The following DOCK8 variants were observed in gnomAD, a reference collection of about 807,000 sequenced individuals.
DOCK8 encodes dedicator of cytokinesis 8, also known as dedicator of cytokinesis protein 8.
Under a neutral mutation model 245.6 loss-of-function variants are expected in DOCK8, and 141 were observed. The ratio of observed to expected loss-of-function variants is 0.57; its 90% confidence interval spans 0.50 to 0.66. The LOEUF (loss-of-function observed/expected upper bound fraction) is 0.66, where lower values mean the gene tolerates loss of function less well. DOCK8 is among the 30% of genes least tolerant of loss of function. The pLI, the probability that DOCK8 is intolerant of heterozygous loss-of-function variation, is 0.00. For missense variants in DOCK8, 2,965 were observed against 2,603.4 expected, an observed-to-expected ratio of 1.14 and a Z score of -3.02; for synonymous variants, 1,168 against 970.2, an observed-to-expected ratio of 1.20 and a Z score of -3.79.
In DOCK8 at chr9:340,320, A is replaced by C. The variant is rs927499280; in HGVS notation, c.1678A>C (p.Arg560=). The part of the protein sequence containing the change: ...REVYVPHTVY[R]NLLYVYPQRL... ...AGTATATGTCCCTCACACTGTGTACAGGTAAGAAACACAGGCTCGGGCTGG... is the reference window on the plus strand; with the variant it reads ...AGTATATGTCCCTCACACTGTGTACCGGTAAGAAACACAGGCTCGGGCTGG... The change falls in exon 14 of 48, where the codon AGA becomes CGA. Residue 560 remains arginine, a splice_region_variant and synonymous_variant. Transcript: ENST00000432829. 9.9e-6 allele frequency: 16 copies of C among 1,614,094 alleles called. No homozygotes were observed. Among genetic ancestry groups the C allele is most frequent in the Non-Finnish European group, 1.4e-5 (16 of 1,179,962 alleles).
At chr9:305,408 A>G (rs951625608) in intron 5 of DOCK8, among the ~76,000 whole-genome samples, 35 of 148,706 alleles carry the variant, frequency 2.4e-4, no homozygotes, top group South Asian at 2.1e-3. Context: ...TCAGCCTCCC[A>G]GGTAGCTGGG....
intron 43 of DOCK8, among the ~76,000 whole-genome samples, chr9:443,985 A>T (rs1226941378): frequency 6.6e-6 from 1 of 151,984 alleles, no homozygotes; most frequent in Non-Finnish European, 1.5e-5. Context: ...TCCATTTCAA[A>T]CTCGACAACA....
At chr9:253,727 G>A (rs911142309) in intron 1 of DOCK8, among the ~76,000 whole-genome samples, 2 of 152,140 alleles carry the variant, frequency 1.3e-5, no homozygotes, top group Non-Finnish European at 2.9e-5. Context: ...CCAACATGTG[G>A]CTCCTCTGCC....
chr9:399,432 C>T (rs1186523590), intron 26 of DOCK8, among the ~76,000 whole-genome samples, 173 bp downstream of exon 26: 2 of 152,106 alleles, frequency 1.3e-5, no homozygotes, highest in African/African-American at 2.4e-5. Flanking sequence ...ATTCCTCAGA[C>T]ATGCTGGTTT....
chr9:260,516 A>G (rs2047893424), intron 1 of DOCK8, among the ~76,000 whole-genome samples: 1 of 152,202 alleles, frequency 6.6e-6, no homozygotes, highest in East Asian at 1.9e-4. Context: ...TAGAGTGTTA[A>G]TTGGTAAAAT....
chr9:401,319 C>T (rs1209429666), intron 26 of DOCK8, among the ~76,000 whole-genome samples: 1 of 152,142 alleles, frequency 6.6e-6, no homozygotes, highest in Admixed American at 6.5e-5. Flanking sequence ...GAGCGGAAGC[C>T]CCTCCCAGCA....
chr9:344,161 G>C (rs2051752471), intron 14 of DOCK8, among the ~76,000 whole-genome samples: 1 of 152,166 alleles, frequency 6.6e-6, no homozygotes, highest in South Asian at 2.1e-4. Flanking sequence ...TTAGAAACCA[G>C]GTCTTGGGGA....
At chr9:333,038 G>A (rs145541723) in intron 10 of DOCK8, among the ~76,000 whole-genome samples, 2 of 152,114 alleles carry the variant, frequency 1.3e-5, no homozygotes, top group Non-Finnish European at 2.9e-5. Flanking sequence ...TAACTTGATT[G>A]GGGCAAGGCC....
At chr9:232,551 T>C (rs2047140678) in intron 1 of DOCK8, among the ~76,000 whole-genome samples, 1 of 152,230 alleles carries the variant, frequency 6.6e-6, no homozygotes, top group South Asian at 2.1e-4. Context: ...TGGTAAGCTA[T>C]TGATTATTGC....
At chr9:450,853 G>T (rs915148397) in intron 45 of DOCK8, among the ~76,000 whole-genome samples, 2 of 151,136 alleles carry the variant, frequency 1.3e-5, no homozygotes, top group African/African-American at 4.9e-5. Context: ...CAGCAGTTAT[G>T]CAAAATGATG....
At chr9:296,215 C>T (rs186607581) in intron 4 of DOCK8, among the ~76,000 whole-genome samples, 2 of 152,158 alleles carry the variant, frequency 1.3e-5, no homozygotes, top group Non-Finnish European at 2.9e-5. Context: ...AACCTTTTAT[C>T]TGCATATTTT....
intron 1 of DOCK8, among the ~76,000 whole-genome samples, chr9:248,526 T>TGC (rs1222490160): frequency 4.6e-5 from 4 of 86,724 alleles, no homozygotes; most frequent in African/African-American, 1.2e-4. Flanking sequence ...CTTCCCTCCC[T>TGC]CTCTCTCTTT....
chr9:276,778 T>C (rs2048363271), intron 2 of DOCK8, among the ~76,000 whole-genome samples: 1 of 152,216 alleles, frequency 6.6e-6, no homozygotes, highest in African/African-American at 2.4e-5. Flanking sequence ...TCTGTTAAAA[T>C]GAAACTGTAA....
chr9:402,228 C>G (rs1473737237), intron 26 of DOCK8, among the ~76,000 whole-genome samples: 1 of 152,196 alleles, frequency 6.6e-6, no homozygotes, highest in Non-Finnish European at 1.5e-5. Flanking sequence ...TTCTCTTGCT[C>G]ACTATCTTTC....
intron 1 of DOCK8, among the ~76,000 whole-genome samples, chr9:235,168 A>G (rs1261885444): frequency 6.6e-6 from 1 of 152,182 alleles, no homozygotes; most frequent in East Asian, 1.9e-4. Context: ...TCCACTCCAG[A>G]CGCTGTTTGC....
intron 1 of DOCK8, chr9:220,630 C>G (rs2046859117): frequency 3.4e-6 from 1 of 293,682 alleles, no homozygotes; most frequent in Non-Finnish European, 6.7e-6. Context: ...GTGGCAGGTG[C>G]TTATTAACGT....
chr9:352,740 C>CAAAAA lies in DOCK8; in HGVS notation c.1679+12424_1679+12428dup, dbSNP rs56298794. ...CCAGTGACAGTGTGAGACTCTGTCT[C>CAAAAA]AAAAAAAAAGTGCCGATACTTTATA... On this transcript the variant is annotated intron_variant, in intron 14 of 47. Transcript: ENST00000432829. Among the ~76,000 whole-genome samples, 424 of 141,496 alleles carry CAAAAA rather than the reference C, an allele frequency of 3.0e-3. 13 individuals are homozygous for CAAAAA. Among genetic ancestry groups the CAAAAA allele is most frequent in the Non-Finnish European group, 4.3e-3 (282 of 65,472 alleles). The allele number at this position is 141,496 out of a possible 152,430, so 92.8% of individuals were successfully genotyped here. A position where few individuals can be genotyped will look rare whatever the true frequency, so the allele number is the denominator to read the frequency against.
intron 1 of DOCK8, chr9:215,336 G>A (rs902716663): frequency 1.9e-6 from 3 of 1,602,232 alleles, no homozygotes; most frequent in Non-Finnish European, 2.6e-6. Context: ...CAGGTGGCCG[G>A]GTCCCAGAAG....
chr9:347,345 A>G (rs2051943108), intron 14 of DOCK8, among the ~76,000 whole-genome samples: 1 of 151,966 alleles, frequency 6.6e-6, no homozygotes, highest in Non-Finnish European at 1.5e-5. Context: ...CTCTACAACA[A>G]CAACAAAAAA....
Sources: allele counts gnomAD v4.1 joint callset (sites outside exome capture counted in the v4.1 genomes callset), GRCh38; gene constraint gnomAD v4.1.1; transcripts MANE v1.5; gene names NCBI Gene and HGNC (gene_info 2026-07-23, HGNC 2026-07-21).